The following KCNMB2 variants were observed in gnomAD, a reference collection of about 807,000 sequenced individuals.
The protein encoded by KCNMB2 is calcium-activated potassium channel subunit beta-2.
KCNMB2 carries 9 observed loss-of-function variants against 24.5 expected under a neutral mutation model. The ratio of observed to expected loss-of-function variants is 0.37; its 90% CI spans 0.22 to 0.64. KCNMB2 has a LOEUF of 0.64. Ranked by LOEUF, KCNMB2 falls within the 30% of genes least tolerant of loss-of-function variation. The pLI, the probability that KCNMB2 is intolerant of heterozygous loss-of-function variation, is 0.63. For missense variants in KCNMB2, 226 were observed against 284.3 expected, an observed-to-expected ratio of 0.79 and a Z score of 1.47; for synonymous variants, 109 against 104.4, an observed-to-expected ratio of 1.04 and a Z score of -0.27.
chr3:178,588,381 G>A (rs1329860144), intron 1 of KCNMB2, among the ~76,000 whole-genome samples: 1 of 152,116 alleles, frequency 6.6e-6, no homozygotes, highest in Admixed American at 6.6e-5. Context: ...TAAGCAGGGA[G>A]ATGGTAGAAA....
rs115988183 is a variant in KCNMB2 at position 178,582,737 on chromosome 3, T to C, written c.-68+46026T>C. ...AGAATAATTATTTTTCTGTATCTAT[T>C]GTCTATATCTTTCTTAGGCCTTCTA... On this transcript the variant is annotated intron_variant, in intron 1 of 4. Coordinates refer to ENST00000452583, the MANE Select transcript of KCNMB2 (RefSeq NM_181361.3). 6.9e-3 allele frequency among the ~76,000 whole-genome samples: 1,057 copies of C among 152,290 alleles called. 15 individuals are homozygous for C. Among genetic ancestry groups the C allele is most frequent in the African/African-American group, 0.024 (1,000 of 41,570 alleles).
chr3:178,772,757 T>C (rs1466925201), intron 1 of KCNMB2, among the ~76,000 whole-genome samples: 2 of 152,220 alleles, frequency 1.3e-5, no homozygotes, highest in African/African-American at 2.4e-5. Flanking sequence ...TAAAAATGAC[T>C]TGTTTGGCAC....
chr3:178,662,554 C>T (rs769436457), intron 1 of KCNMB2, among the ~76,000 whole-genome samples: 2 of 152,090 alleles, frequency 1.3e-5, no homozygotes, highest in South Asian at 2.1e-4. Flanking sequence ...CTTGTATCAT[C>T]TATTACATGG....
chr3:178,745,924 G>A (rs1015768957), intron 1 of KCNMB2, among the ~76,000 whole-genome samples: 1 of 152,200 alleles, frequency 6.6e-6, no homozygotes, highest in Non-Finnish European at 1.5e-5. Context: ...GCAGGGTACA[G>A]CCTCCCTCCC....
At chr3:178,787,954 G>A (rs182398165) in intron 1 of KCNMB2, among the ~76,000 whole-genome samples, 1 of 152,244 alleles carries the variant, frequency 6.6e-6, no homozygotes, top group East Asian at 1.9e-4. Flanking sequence ...TGGGTAAAGA[G>A]TTCTCATAAA....
At chr3:178,701,064 T>C (rs1351121452) in intron 1 of KCNMB2, among the ~76,000 whole-genome samples, 1 of 152,232 alleles carries the variant, frequency 6.6e-6, no homozygotes, top group Non-Finnish European at 1.5e-5. Context: ...TGCCTAGGTT[T>C]TCTTCTAAGG....
intron 2 of KCNMB2, among the ~76,000 whole-genome samples, chr3:178,812,857 G>A (rs1298104651): frequency 6.6e-6 from 1 of 152,066 alleles, no homozygotes; most frequent in African/African-American, 2.4e-5. Flanking sequence ...CATTATGCCT[G>A]TAATACATCT....
intron 1 of KCNMB2, among the ~76,000 whole-genome samples, chr3:178,649,048 C>A (rs768326576): frequency 2.0e-5 from 3 of 152,120 alleles, no homozygotes; most frequent in Non-Finnish European, 4.4e-5. Context: ...GCCCATTTTT[C>A]CTAGGTTTCC....
intron 1 of KCNMB2, among the ~76,000 whole-genome samples, chr3:178,760,355 T>G (rs1711782607): frequency 1.7e-5 from 2 of 116,344 alleles, no homozygotes; most frequent in Admixed American, 9.4e-5. Context: ...GTTACATATA[T>G]ATATCCATAT....
chr3:178,568,481 G>T (rs979866656), intron 1 of KCNMB2, among the ~76,000 whole-genome samples: 2 of 152,102 alleles, frequency 1.3e-5, no homozygotes, highest in African/African-American at 2.4e-5. Flanking sequence ...GTGATATCTT[G>T]AACACTCATA....
chr3:178,833,820 C>T (rs1016269761), intron 4 of KCNMB2, among the ~76,000 whole-genome samples: 2 of 152,094 alleles, frequency 1.3e-5, no homozygotes, highest in East Asian at 3.9e-4. Flanking sequence ...ACATTATGAC[C>T]GAAGCTGTTT....
At chr3:178,785,501 CAA>C (rs1483637170) in intron 1 of KCNMB2, among the ~76,000 whole-genome samples, 1 of 151,432 alleles carries the variant, frequency 6.6e-6, no homozygotes, top group Non-Finnish European at 1.5e-5. Context: ...TTATAAGATA[CAA>C]AAATTACATA....
chr3:178,580,627 CA>C (rs1284886615), intron 1 of KCNMB2, among the ~76,000 whole-genome samples: 3 of 152,226 alleles, frequency 2.0e-5, no homozygotes, highest in Non-Finnish European at 4.4e-5. Flanking sequence ...GCCATCATCT[CA>C]GCCCAAAATC....
At chr3:178,623,684 C>A (rs553327731) in intron 1 of KCNMB2, among the ~76,000 whole-genome samples, 3 of 152,294 alleles carry the variant, frequency 2.0e-5, no homozygotes, top group African/African-American at 7.2e-5. Context: ...TGAGGTTCAG[C>A]AAACTTTTAT....
chr3:178,789,738 T>C (rs558777320), intron 1 of KCNMB2, among the ~76,000 whole-genome samples: 16 of 152,098 alleles, frequency 1.1e-4, no homozygotes, highest in Admixed American at 9.8e-4. Context: ...GAATCACCCT[T>C]CTCAGTGGTC....
chr3:178,563,401 A>G (rs1442836042), intron 1 of KCNMB2, among the ~76,000 whole-genome samples: 1 of 152,210 alleles, frequency 6.6e-6, no homozygotes, highest in African/African-American at 2.4e-5. Flanking sequence ...GAGCGCAAAC[A>G]TTCATGAGAT....
chr3:178,757,332 G>T (rs12634406), intron 1 of KCNMB2, among the ~76,000 whole-genome samples: 1 of 68,726 alleles, frequency 1.5e-5, no homozygotes. Context: ...ATATATATAT[G>T]TATATATATC....
intron 1 of KCNMB2, among the ~76,000 whole-genome samples, chr3:178,751,673 G>A (rs1264055364): frequency 6.7e-6 from 1 of 149,826 alleles, no homozygotes; most frequent in Middle Eastern, 3.3e-3. Context: ...GTTCACAAAG[G>A]TACAATAGGG....
chr3:178,813,948 C>CGTTGTTGTT (rs201495357), intron 2 of KCNMB2, among the ~76,000 whole-genome samples: 157 of 149,590 alleles, frequency 1.0e-3, no homozygotes, highest in Admixed American at 2.4e-3. Context: ...AACTTCACTA[C>CGTTGTTGTT]GTTGTTGTTG....
Sources: gnomAD v4.1 joint callset for allele counts (sites outside exome capture counted in the v4.1 genomes callset) on GRCh38, gnomAD v4.1.1 for gene constraint, MANE v1.5 for transcripts, NCBI Gene and HGNC (gene_info 2026-07-23, HGNC 2026-07-21) for gene names.